Variants in GMCL1 observed in about 807,000 individuals in gnomAD.
GMCL1 encodes germ cell-less protein-like 1.
A neutral mutation model predicts 75.5 loss-of-function variants in GMCL1; 54 were observed. The ratio of observed to expected loss-of-function variants is 0.71; its 90% CI spans 0.57 to 0.90. The LOEUF (loss-of-function observed/expected upper bound fraction) is 0.90. Among genes scored for constraint, GMCL1 ranks in the 40% least tolerant of loss-of-function variants. GMCL1 has a pLI of 0.00. For synonymous variants in GMCL1, 210 were observed against 209.6 expected (o/e 1.00, Z -0.02); for missense variants, 537 against 622.7 (o/e 0.86, Z 1.47).
In GMCL1 at chr2:69,840,931, C is replaced by G. The variant is rs758686799; in HGVS notation, c.482-11C>G. 6.3e-7 allele frequency: 1 copy of G among 1,595,696 alleles called. No individual in the cohort carries two copies. The highest frequency in any genetic ancestry group is 1.7e-5 in the Admixed American group (1 of 59,840). The stretch of plus-strand genomic sequence containing the variant: ...ATATTATTTCATCCTACATGTGTAC[C>G]TTGCTTTCAGCACTGCAGGTTGCAT... On this transcript the variant is annotated splice_polypyrimidine_tract_variant and intron_variant, in intron 3 of 13. Coordinates refer to ENST00000282570, the MANE Select transcript of GMCL1 (RefSeq NM_178439.5).
intron 11 of GMCL1, 116 bp downstream of exon 11, chr2:69,865,091 A>C (rs1368869503): frequency 1.4e-6 from 1 of 691,892 alleles, no homozygotes; most frequent in Non-Finnish European, 2.5e-6. Flanking sequence ...TGTTTGATAC[A>C]CTTTCTGTAG....
Position 69,847,621 on chromosome 2 carries a change from A to C in GMCL1, c.837A>C (p.Leu279=), listed in dbSNP as rs1341376704. 8 of 1,588,782 alleles carry C rather than the reference A, an allele frequency of 5.0e-6. No homozygotes were observed. Among genetic ancestry groups the C allele is most frequent in the Non-Finnish European group, 6.9e-6 (8 of 1,157,916 alleles). The change falls in exon 7 of 14, where the codon CTA becomes CTC. Residue 279 remains leucine (L), a synonymous_variant. Coordinates refer to ENST00000282570, the MANE Select transcript of GMCL1 (RefSeq NM_178439.5). ...TGGAGATGGATATATACACTGCTCTAAAAAAGGTACTGACGTAATATGATG... is the reference window on the plus strand; with the variant it reads ...TGGAGATGGATATATACACTGCTCTCAAAAAGGTACTGACGTAATATGATG... ...MQVEMDIYTA[L]KKWMFLQLVP...
intron 11 of GMCL1, among the ~76,000 whole-genome samples, chr2:69,865,807 T>C (rs576457714): frequency 2.6e-5 from 4 of 152,316 alleles, no homozygotes; most frequent in South Asian, 2.1e-4. Flanking sequence ...TCTCCCTCTG[T>C]CACCCAACCT....
chr2:69,850,474 A>C (rs1190153643), intron 8 of GMCL1, among the ~76,000 whole-genome samples: 3 of 152,094 alleles, frequency 2.0e-5, no homozygotes, highest in African/African-American at 7.2e-5. Flanking sequence ...GTTTATGGCC[A>C]CCTTTTTGGT....
chr2:69,854,806 T>TA lies in GMCL1; in HGVS notation c.935-16dup. 1 of 1,597,910 alleles carries TA rather than the reference T, an allele frequency of 6.3e-7. No individual in the cohort carries two copies. Among genetic ancestry groups the TA allele is most frequent in the East Asian group, 2.2e-5 (1 of 44,504 alleles). On this transcript the variant is annotated splice_polypyrimidine_tract_variant and intron_variant, in intron 8 of 13. Coordinates refer to ENST00000282570, the MANE Select transcript of GMCL1 (RefSeq NM_178439.5). ...GTTTGAAAAGAATGGCTGTTTAACT[T>TA]ACATGGTTTTTTATAGATTTTGAAG...
chr2:69,847,506 TA>T, intron 6 of GMCL1, 36 bp from the exon 7 acceptor site: 1 of 1,306,556 alleles, frequency 7.7e-7, no homozygotes, highest in Non-Finnish European at 1.1e-6. Flanking sequence ...AGCCTGTGCC[TA>T]AAGATAAGCT....
chr2:69,837,304 C>T (rs1227930771), intron 1 of GMCL1, among the ~76,000 whole-genome samples: 4 of 152,140 alleles, frequency 2.6e-5, no homozygotes, highest in Admixed American at 6.6e-5. Flanking sequence ...ATGCTGCCCC[C>T]CTTTCTCCAC....
intron 6 of GMCL1, among the ~76,000 whole-genome samples, chr2:69,846,345 C>CA (rs1197962823): frequency 6.6e-6 from 1 of 152,108 alleles, no homozygotes; most frequent in South Asian, 2.1e-4. Flanking sequence ...AAAATAATAA[C>CA]AAAAAAACCC....
chr2:69,861,464 GATC>G (rs1201491348), intron 10 of GMCL1, 117 bp downstream of exon 10: 3 of 573,648 alleles, frequency 5.2e-6, no homozygotes, highest in Non-Finnish European at 6.1e-6. Flanking sequence ...TTGAAGTAAA[GATC>G]ATATAATCAC....
chr2:69,861,197 A>G, intron 9 of GMCL1, 81 bp from the exon 10 acceptor site: 1 of 1,028,980 alleles, frequency 9.7e-7, no homozygotes, highest in Non-Finnish European at 1.4e-6. Context: ...AAATGGTAAC[A>G]ATTTTGTCAA....
chr2:69,847,619 C>G lies in GMCL1; in HGVS notation c.835C>G (p.Leu279Val). The G allele has an allele frequency of 6.3e-7, 1 of 1,593,224 alleles. No homozygotes were observed. The highest frequency in any genetic ancestry group is 8.6e-7 in the Non-Finnish European group (1 of 1,162,072). ...MQVEMDIYTA[L>V]KKWMFLQLVP... ...AGTGGAGATGGATATATACACTGCT[C>G]TAAAAAAGGTACTGACGTAATATGA... Residue 279 changes from leucine to valine, a missense_variant, in exon 7 of 14, where the codon CTA becomes GTA. Leu to Val is a conservative substitution (Grantham distance 32, BLOSUM62 1). Transcript: ENST00000282570.
chr2:69,860,498 G>A lies in GMCL1; in HGVS notation c.1073-780G>A, dbSNP rs115992665. 3.0e-3 allele frequency among the ~76,000 whole-genome samples: 454 copies of A among 151,818 alleles called. 3 individuals are homozygous for A. The highest frequency in any genetic ancestry group is 0.01 in the African/African-American group (427 of 41,438). On this transcript the variant is annotated intron_variant, in intron 9 of 13. Transcript: ENST00000282570. ...TATTGAGTGTGCATGTTTCATCTACGAATTTAGGGATGGCTTATTTCCCAA... is the reference window on the plus strand; with the variant it reads ...TATTGAGTGTGCATGTTTCATCTACAAATTTAGGGATGGCTTATTTCCCAA...
At chr2:69,849,826 T>A (rs1014149519) in intron 8 of GMCL1, 84 bp downstream of exon 8, 145 of 707,306 alleles carry the variant, frequency 2.1e-4, no homozygotes, top group Admixed American at 4.4e-4. Flanking sequence ...ATAAATAAAT[T>A]AATTAATTAA....
intron 13 of GMCL1, among the ~76,000 whole-genome samples, chr2:69,875,044 C>T (rs1023026800): frequency 2.0e-5 from 3 of 151,628 alleles, no homozygotes; most frequent in African/African-American, 7.3e-5. Flanking sequence ...CAGGCCCAAA[C>T]AGTTTTTACA....
intron 8 of GMCL1, among the ~76,000 whole-genome samples, chr2:69,853,621 G>A (rs866483423): frequency 2.0e-5 from 3 of 152,026 alleles, no homozygotes; most frequent in Non-Finnish European, 4.4e-5. Context: ...GGTATATGTC[G>A]TTTAACAGAA....
intron 8 of GMCL1, among the ~76,000 whole-genome samples, chr2:69,851,333 C>A (rs569502864): frequency 1.3e-5 from 2 of 152,166 alleles, no homozygotes; most frequent in African/African-American, 4.8e-5. Flanking sequence ...GTACTCCCAG[C>A]ACTTTGGGAG....
chr2:69,840,383 C>G (rs1674950072), intron 3 of GMCL1, among the ~76,000 whole-genome samples: 1 of 151,552 alleles, frequency 6.6e-6, no homozygotes, highest in Non-Finnish European at 1.5e-5. Flanking sequence ...GCACTCCAGC[C>G]TGGGCGACAG....
At chr2:69,873,364 ATGT>A (rs1341441597) in intron 13 of GMCL1, among the ~76,000 whole-genome samples, 1 of 152,176 alleles carries the variant, frequency 6.6e-6, no homozygotes, top group African/African-American at 2.4e-5. Flanking sequence ...TAGGTTATAG[ATGT>A]TGTCGAAAAA....
intron 8 of GMCL1, among the ~76,000 whole-genome samples, chr2:69,850,365 A>G (rs1272558405): frequency 6.8e-6 from 1 of 147,196 alleles, no homozygotes; most frequent in Non-Finnish European, 1.5e-5. Flanking sequence ...AAATGTATGT[A>G]TGTTATTTTT....
Sources: gnomAD v4.1 joint callset for allele counts (sites outside exome capture counted in the v4.1 genomes callset) on GRCh38, gnomAD v4.1.1 for gene constraint, MANE v1.5 for transcripts, NCBI Gene and HGNC (gene_info 2026-07-23, HGNC 2026-07-21) for gene names.